The following JAZF1 variants were observed in gnomAD, a reference collection of about 807,000 sequenced individuals.
The protein encoded by JAZF1 is juxtaposed with another zinc finger protein 1.
JAZF1 carries 8 observed loss-of-function variants against 26.4 expected under a neutral mutation model. The ratio of observed to expected loss-of-function variants is 0.30; its 90% CI spans 0.18 to 0.55. The LOEUF (loss-of-function observed/expected upper bound fraction) is 0.55. Ranked by LOEUF, JAZF1 falls within the 20% of genes least tolerant of loss-of-function variation. The pLI is 0.94. For missense variants in JAZF1, 199 were observed against 322.0 expected (o/e 0.62, Z 2.92); for synonymous variants, 126 against 122.3 (o/e 1.03, Z -0.20).
chr7:28,103,063 C>T (rs950347273), intron 1 of JAZF1, among the ~76,000 whole-genome samples: 3 of 152,188 alleles, frequency 2.0e-5, no homozygotes, highest in African/African-American at 7.2e-5. Flanking sequence ...AGTGGCAACA[C>T]TTGCTAGGGA....
At chr7:27,868,960 T>G (rs970651936) in intron 3 of JAZF1, among the ~76,000 whole-genome samples, 43 of 152,124 alleles carry the variant, frequency 2.8e-4, no homozygotes, top group Non-Finnish European at 5.6e-4. Flanking sequence ...AATAGAGGTG[T>G]GTGGGCTCTT....
chr7:27,869,611 G>A (rs932945800), intron 3 of JAZF1, among the ~76,000 whole-genome samples: 8 of 152,226 alleles, frequency 5.3e-5, no homozygotes, highest in East Asian at 1.9e-4. Context: ...GAACCAAGGG[G>A]TTGCTTCTGG....
chr7:27,928,643 T>C (rs777205821), intron 2 of JAZF1, among the ~76,000 whole-genome samples: 6 of 152,166 alleles, frequency 3.9e-5, no homozygotes, highest in African/African-American at 7.2e-5. Flanking sequence ...AGCAAGCACA[T>C]GGATGGAGCT....
chr7:28,103,678 C>A lies in JAZF1; in HGVS notation c.115+76785G>T, dbSNP rs948927416. On this transcript the variant is annotated intron_variant, in intron 1 of 4. Coordinates refer to ENST00000283928, the MANE Select transcript of JAZF1 (RefSeq NM_175061.4). The stretch of plus-strand genomic sequence containing the variant: ...TTCTTTCTTTCTCTCATACCTAAAC[C>A]AAACCTGTTGACCTTATCTCTAAAA... Among the ~76,000 whole-genome samples, 5 of 152,258 alleles carry A rather than the reference C, an allele frequency of 3.3e-5. No individual in the cohort carries two copies. In the East Asian group the frequency reaches 9.7e-4, roughly 29 times the overall value.
At chr7:27,977,797 A>C (rs1785502684) in intron 2 of JAZF1, among the ~76,000 whole-genome samples, 1 of 152,184 alleles carries the variant, frequency 6.6e-6, no homozygotes, top group Non-Finnish European at 1.5e-5. Context: ...AGTTCAGCGA[A>C]GCTGCTGTGT....
Position 27,832,456 on chromosome 7 carries a change from C to T in JAZF1, c.*344G>A, listed in dbSNP as rs201958658. On this transcript the variant is annotated 3_prime_UTR_variant, in exon 5 of 5. Transcript: ENST00000283928. ...TGAAAAAAAAATCTCAGTGCCAGCC[C>T]CTCCTCCCCCCAGGTTGATACCACC... 6 of 234,790 alleles carry T rather than the reference C, an allele frequency of 2.6e-5. No individual in the cohort carries two copies. In the East Asian group the frequency reaches 3.7e-4, roughly 14 times the overall value. 14.5% of individuals were successfully genotyped at this position (234,790 alleles called of 1,614,324 possible).
At chr7:27,947,679 C>A (rs919345884) in intron 2 of JAZF1, among the ~76,000 whole-genome samples, 1 of 152,198 alleles carries the variant, frequency 6.6e-6, no homozygotes, top group African/African-American at 2.4e-5. Context: ...CCTCCCTTCT[C>A]CTTCTAGTTG....
chr7:27,982,079 C>A (rs1055042084), intron 2 of JAZF1, among the ~76,000 whole-genome samples: 2 of 152,246 alleles, frequency 1.3e-5, no homozygotes, highest in Non-Finnish European at 2.9e-5. Context: ...TTCTGCATTT[C>A]CAACTGAGGT....
intron 2 of JAZF1, among the ~76,000 whole-genome samples, chr7:27,986,141 G>A (rs1408661709): frequency 6.6e-6 from 1 of 152,072 alleles, no homozygotes; most frequent in Non-Finnish European, 1.5e-5. Context: ...AGAAATAAAG[G>A]GTATTCAATT....
intron 1 of JAZF1, among the ~76,000 whole-genome samples, chr7:28,118,600 A>G (rs1441541660): frequency 6.6e-6 from 1 of 152,234 alleles, no homozygotes; most frequent in East Asian, 1.9e-4. Context: ...TAAAAATGTG[A>G]AAGCTACAGT....
At chr7:27,991,846 T>A in intron 2 of JAZF1, 63 bp downstream of exon 2, 1 of 871,680 alleles carries the variant, frequency 1.1e-6, no homozygotes, top group Non-Finnish European at 1.8e-6. Context: ...AAAAAAGATG[T>A]GTTTAAAAAG....
chr7:28,152,986 A>G (rs539336267), intron 1 of JAZF1, among the ~76,000 whole-genome samples: 1 of 152,238 alleles, frequency 6.6e-6, no homozygotes, highest in South Asian at 2.1e-4. Context: ...AAGCCGTATT[A>G]TATAGTTTCT....
At chr7:28,135,062 G>C (rs1317920713) in intron 1 of JAZF1, among the ~76,000 whole-genome samples, 1 of 152,198 alleles carries the variant, frequency 6.6e-6, no homozygotes, top group African/African-American at 2.4e-5. Context: ...AGTGATAACT[G>C]GGTGATTGTA....
chr7:27,917,008 G>A (rs557345508), intron 2 of JAZF1, among the ~76,000 whole-genome samples: 1 of 152,352 alleles, frequency 6.6e-6, no homozygotes, highest in Admixed American at 6.5e-5. Flanking sequence ...GGAGGCCGAG[G>A]TGGGAGGATT....
chr7:27,951,413 G>C (rs978355908), intron 2 of JAZF1, among the ~76,000 whole-genome samples: 12 of 152,096 alleles, frequency 7.9e-5, no homozygotes, highest in African/African-American at 2.9e-4. Context: ...CAGGTTCTAA[G>C]GCATTTGCTG....
At chr7:27,887,306 A>G (rs1198436869) in intron 3 of JAZF1, among the ~76,000 whole-genome samples, 1 of 152,208 alleles carries the variant, frequency 6.6e-6, no homozygotes, top group Admixed American at 6.5e-5. Context: ...CTTGTGTCCC[A>G]TCAAGTATTA....
intron 1 of JAZF1, among the ~76,000 whole-genome samples, chr7:28,073,181 T>C (rs567197550): frequency 7.9e-5 from 12 of 152,328 alleles, no homozygotes; most frequent in African/African-American, 2.9e-4. Flanking sequence ...CCCTATGTTT[T>C]AAAATAAGCA....
chr7:27,999,664 T>C (rs1251326314), intron 1 of JAZF1, among the ~76,000 whole-genome samples: 1 of 152,184 alleles, frequency 6.6e-6, no homozygotes. Flanking sequence ...TGGAAGCTCC[T>C]TAAGGAACCA....
At chr7:27,849,029 G>A (rs1783080821) in intron 3 of JAZF1, among the ~76,000 whole-genome samples, 1 of 152,246 alleles carries the variant, frequency 6.6e-6, no homozygotes. Context: ...TGGGGTGTGG[G>A]AGGGTAAGGG....
Sources: allele counts gnomAD v4.1 joint callset (sites outside exome capture counted in the v4.1 genomes callset), GRCh38; gene constraint gnomAD v4.1.1; transcripts MANE v1.5; gene names NCBI Gene and HGNC (gene_info 2026-07-23, HGNC 2026-07-21).